Variants in NCALD observed in about 807,000 individuals in gnomAD.
The protein encoded by NCALD is neurocalcin-delta.
Under a neutral mutation model 18.6 loss-of-function variants are expected in NCALD, and 10 were observed. The ratio of observed to expected loss-of-function variants is 0.54; its 90% CI spans 0.33 to 0.91. The LOEUF is 0.91. Ranked by LOEUF, NCALD falls within the 40% of genes least tolerant of loss-of-function variation. The probability of loss-of-function intolerance (pLI) is 0.03; values close to 1 mark genes in which losing one functional copy is unlikely to be tolerated. For synonymous variants in NCALD, 88 were observed against 87.4 expected, an observed-to-expected ratio of 1.01 and a Z score of -0.04; for missense variants, 184 against 247.6, an observed-to-expected ratio of 0.74 and a Z score of 1.72.
intron 4 of NCALD, among the ~76,000 whole-genome samples, chr8:101,878,204 A>G (rs977355361): frequency 2.0e-5 from 3 of 152,358 alleles, no homozygotes; most frequent in South Asian, 2.1e-4. Flanking sequence ...ACTTCCTACC[A>G]CTTCAGAAGA....
At chr8:102,020,773 C>CATCTA (rs1266438433) in intron 1 of NCALD, among the ~76,000 whole-genome samples, 1 of 152,216 alleles carries the variant, frequency 6.6e-6, no homozygotes, top group Non-Finnish European at 1.5e-5. Flanking sequence ...CTTGCCATGA[C>CATCTA]ATCTAAGGCA....
At chr8:101,999,001 A>G (rs1021317418) in intron 2 of NCALD, among the ~76,000 whole-genome samples, 1 of 147,886 alleles carries the variant, frequency 6.8e-6, no homozygotes, top group Admixed American at 7.0e-5. Context: ...TACAGCTAAT[A>G]TTCCTCTTTT....
At position 101,717,743 on chromosome 8, in the gene NCALD, G is replaced by C. The variant is rs559250590; in HGVS notation, c.378+1509C>G. 5.3e-5 allele frequency among the ~76,000 whole-genome samples: 8 copies of C among 152,282 alleles called. No individual in the cohort carries two copies. In the South Asian group the frequency reaches 1.7e-3, roughly 32 times the overall value. ...GCTTCCTGCGGCAGTGACAAGGCTT[G>C]AGGAGTGTGGGTTTTCAAAAAGGGA... On this transcript the variant is annotated intron_variant, in intron 2 of 3. Transcript: ENST00000220931.
intron 1 of NCALD, among the ~76,000 whole-genome samples, chr8:102,095,453 C>A (rs1825061347): frequency 6.6e-6 from 1 of 152,180 alleles, no homozygotes; most frequent in South Asian, 2.1e-4. Context: ...CCAACTTGGA[C>A]CTGTGTTTTG....
intron 1 of NCALD, among the ~76,000 whole-genome samples, chr8:101,735,575 T>C (rs574046918): frequency 1.3e-5 from 2 of 152,362 alleles, no homozygotes; most frequent in South Asian, 4.1e-4. Context: ...ATGAATACTT[T>C]TTTAAGTATG....
intron 1 of NCALD, among the ~76,000 whole-genome samples, chr8:102,099,155 C>T (rs1024514034): frequency 6.6e-6 from 1 of 152,158 alleles, no homozygotes; most frequent in African/African-American, 2.4e-5. Context: ...CTGGAATGTT[C>T]AGTTATCCAA....
chr8:101,871,905 C>T (rs1258360688), intron 4 of NCALD: 6 of 689,106 alleles, frequency 8.7e-6, no homozygotes, highest in East Asian at 2.6e-5. Flanking sequence ...CACCTTCAAT[C>T]GGCTTCTTAG....
intron 2 of NCALD, among the ~76,000 whole-genome samples, chr8:101,703,745 A>C (rs1360754884): frequency 6.6e-6 from 1 of 152,212 alleles, no homozygotes; most frequent in Non-Finnish European, 1.5e-5. Context: ...TGGAGACACT[A>C]AAGTGGCTAG....
intron 2 of NCALD, among the ~76,000 whole-genome samples, chr8:101,699,327 T>C (rs1013212067): frequency 2.6e-5 from 4 of 152,192 alleles, no homozygotes; most frequent in Non-Finnish European, 5.9e-5. Context: ...CATAAATTAG[T>C]TCGACCATTG....
chr8:101,966,188 AAAAAAG>A (rs1484349311), intron 2 of NCALD, among the ~76,000 whole-genome samples: 3 of 152,142 alleles, frequency 2.0e-5, no homozygotes, highest in Non-Finnish European at 4.4e-5. Flanking sequence ...CAAAGCAAAA[AAAAAAG>A]AGAAAGAGAA....
intron 1 of NCALD, among the ~76,000 whole-genome samples, chr8:102,095,741 G>T (rs952190462): frequency 6.6e-6 from 1 of 152,150 alleles, no homozygotes; most frequent in Non-Finnish European, 1.5e-5. Context: ...TCTGAAGATG[G>T]TTTTTTCATT....
intron 1 of NCALD, among the ~76,000 whole-genome samples, chr8:101,727,963 G>C (rs922634389): frequency 2.6e-5 from 4 of 152,252 alleles, no homozygotes; most frequent in Admixed American, 6.5e-5. Flanking sequence ...GAAGGGGAAT[G>C]TGAAATCTCT....
At chr8:101,988,280 A>G (rs967685862) in intron 2 of NCALD, among the ~76,000 whole-genome samples, 3 of 152,216 alleles carry the variant, frequency 2.0e-5, no homozygotes, top group African/African-American at 7.2e-5. Context: ...AAATCTGAAA[A>G]GTGTTATATA....
chr8:102,028,769 C>A (rs779255451), intron 1 of NCALD, among the ~76,000 whole-genome samples: 15 of 152,190 alleles, frequency 9.9e-5, no homozygotes, highest in African/African-American at 1.7e-4. Context: ...GCAGCCCCAA[C>A]CTTCTGGTCA....
chr8:101,967,353 C>G (rs1441558657), intron 2 of NCALD, among the ~76,000 whole-genome samples: 2 of 152,156 alleles, frequency 1.3e-5, no homozygotes, highest in African/African-American at 4.8e-5. Context: ...TTAGGGAACA[C>G]AAGTTCATCT....
At chr8:101,853,064 T>C (rs1029619459) in intron 4 of NCALD, among the ~76,000 whole-genome samples, 1 of 152,158 alleles carries the variant, frequency 6.6e-6, no homozygotes, top group African/African-American at 2.4e-5. Context: ...CAAACCCTGG[T>C]CCCATCACTC....
intron 4 of NCALD, among the ~76,000 whole-genome samples, chr8:101,864,550 A>T (rs1461417052): frequency 1.3e-5 from 2 of 150,564 alleles, no homozygotes; most frequent in African/African-American, 4.9e-5. Flanking sequence ...GAAAAGCCAT[A>T]TTTTATATGA....
intron 1 of NCALD, among the ~76,000 whole-genome samples, chr8:101,737,424 G>A (rs1205660456): frequency 6.6e-6 from 1 of 152,116 alleles, no homozygotes; most frequent in Admixed American, 6.5e-5. Flanking sequence ...ACCTGTTCAA[G>A]TCATGTCCTT....
intron 2 of NCALD, among the ~76,000 whole-genome samples, chr8:102,014,169 T>C (rs1250227456): frequency 1.3e-5 from 2 of 152,238 alleles, no homozygotes; most frequent in African/African-American, 4.8e-5. Context: ...ATAGACTGCA[T>C]GGCTTATAAG....
Sources: gnomAD v4.1 joint callset for allele counts (sites outside exome capture counted in the v4.1 genomes callset) on GRCh38, gnomAD v4.1.1 for gene constraint, MANE v1.5 for transcripts, NCBI Gene and HGNC (gene_info 2026-07-23, HGNC 2026-07-21) for gene names.